Variants in PCDHGA1 observed in about 807,000 individuals in gnomAD.
PCDHGA1 encodes the protein protocadherin gamma-A1.
PCDHGA1 carries 32 observed loss-of-function variants against 58.0 expected under a neutral mutation model. That is an observed-to-expected ratio of 0.55 (90% CI 0.42 to 0.74). PCDHGA1 has a LOEUF of 0.74. PCDHGA1 is among the 30% of genes least tolerant of loss of function. PCDHGA1 has a pLI of 0.00. For synonymous variants in PCDHGA1, 498 were observed against 501.1 expected (o/e 0.99, Z 0.08); for missense variants, 1,205 against 1,182.3 (o/e 1.02, Z -0.28).
chr5:141,497,131 A>G (rs1269110126), intron 2 of PCDHGA1, among the ~76,000 whole-genome samples: 3 of 152,122 alleles, frequency 2.0e-5, no homozygotes, highest in Admixed American at 6.6e-5. Flanking sequence ...GGTTGCAGTG[A>G]GCTGAGATCA....
At chr5:141,393,197 T>C (rs1470064881) in intron 1 of PCDHGA1, 1 of 1,613,448 alleles carries the variant, frequency 6.2e-7, no homozygotes, top group South Asian at 1.1e-5. Context: ...ATATTAACGA[T>C]AATAACCCAA....
chr5:141,398,804 C>T, intron 1 of PCDHGA1: 1 of 1,614,012 alleles, frequency 6.2e-7, no homozygotes, highest in Non-Finnish European at 8.5e-7. Context: ...AGCGGCACCA[C>T]TGAGCTCCGG....
At chr5:141,363,723 G>T (rs1763043786) in intron 1 of PCDHGA1, among the ~76,000 whole-genome samples, 1 of 152,212 alleles carries the variant, frequency 6.6e-6, no homozygotes, top group African/African-American at 2.4e-5. Context: ...AAGGTGCATG[G>T]AGAACTGGGT....
At chr5:141,372,067 A>G (rs1209515606) in intron 1 of PCDHGA1, 2 of 1,613,450 alleles carry the variant, frequency 1.2e-6, no homozygotes, top group Admixed American at 1.7e-5. Flanking sequence ...CGCAACGACA[A>G]TGCACCGCTG....
chr5:141,351,705 G>C, intron 1 of PCDHGA1: 1 of 1,613,928 alleles, frequency 6.2e-7, no homozygotes, highest in Non-Finnish European at 8.5e-7. Flanking sequence ...CCCAACGGCA[G>C]AGTCTCCTAC....
At chr5:141,407,767 G>T (rs1458257073) in intron 1 of PCDHGA1, among the ~76,000 whole-genome samples, 1 of 152,140 alleles carries the variant, frequency 6.6e-6, no homozygotes, top group Non-Finnish European at 1.5e-5. Context: ...GTTTGAAATT[G>T]TGCATAATAG....
chr5:141,399,755 G>A (rs1420211451), intron 1 of PCDHGA1: 1 of 1,613,232 alleles, frequency 6.2e-7, no homozygotes, highest in African/African-American at 1.3e-5. Context: ...GCAAACGTGA[G>A]CCTGCGCGTG....
In PCDHGA1 at chr5:141,357,036, C is replaced by A. The variant is rs765676515; in HGVS notation, c.2421+23931C>A. 5.6e-5 allele frequency: 90 copies of A among 1,614,042 alleles called. 2 individuals carry two copies. In the South Asian group the frequency reaches 8.8e-4, roughly 16 times the overall value. ...TGTCCTACAGCCTACTCAAGTCCAG[C>A]GAGCCGGGACTATTTGCAGTGGGGC... On this transcript the variant is annotated intron_variant, in intron 1 of 3. Transcript: ENST00000517417.
At chr5:141,478,563 C>G (rs1484075735) in intron 1 of PCDHGA1, 16 of 1,596,154 alleles carry the variant, frequency 1.0e-5, no homozygotes, top group African/African-American at 1.3e-5. Context: ...TTTAGCAAGT[C>G]ATGCTTGACC....
intron 1 of PCDHGA1, among the ~76,000 whole-genome samples, chr5:141,348,135 T>C (rs1237246748): frequency 6.6e-6 from 1 of 152,224 alleles, no homozygotes; most frequent in South Asian, 2.1e-4. Flanking sequence ...ACTCATGAAA[T>C]CATATGAGAG....
intron 1 of PCDHGA1, chr5:141,345,904 G>C (rs1319901712): frequency 1.9e-6 from 3 of 1,612,396 alleles, no homozygotes; most frequent in African/African-American, 2.7e-5. Flanking sequence ...CTGCACACGG[G>C]CGAGGTGCGC....
At chr5:141,388,674 G>A in intron 1 of PCDHGA1, 2 of 1,613,940 alleles carry the variant, frequency 1.2e-6, no homozygotes, top group Non-Finnish European at 8.5e-7. Context: ...GGTGCTACAG[G>A]TGACTGCCAC....
intron 1 of PCDHGA1, chr5:141,345,920 G>C: frequency 6.2e-7 from 1 of 1,613,376 alleles, no homozygotes; most frequent in Non-Finnish European, 8.5e-7. Context: ...TGCGCACGGC[G>C]CGAGCCCTGC....
rs2099718995 is a variant in PCDHGA1 at position 141,491,523 on chromosome 5, G to A, written c.2422-3284G>A. On this transcript the variant is annotated intron_variant, in intron 1 of 3. Transcript: ENST00000517417. This position sits in a 1 kb window ranked among gnomAD's most constrained non-coding sequence, Gnocchi z 6.9. ...CGGACGGCACGCTCAAGTACATGGAGGTGACGCTGCGGCCCACAGACTCGC... is the reference window on the plus strand; with the variant it reads ...CGGACGGCACGCTCAAGTACATGGAAGTGACGCTGCGGCCCACAGACTCGC... The A allele has an allele frequency of 3.1e-6, 5 of 1,613,954 alleles. No individual in the cohort carries two copies. The highest frequency in any genetic ancestry group is 3.4e-6 in the Non-Finnish European group (4 of 1,180,032).
At chr5:141,354,581 G>C (rs1168490424) in intron 1 of PCDHGA1, among the ~76,000 whole-genome samples, 1 of 152,104 alleles carries the variant, frequency 6.6e-6, no homozygotes, top group Non-Finnish European at 1.5e-5. Context: ...GCATAAATTG[G>C]GACTAAAGCC....
intron 1 of PCDHGA1, chr5:141,422,550 G>A: frequency 6.2e-7 from 1 of 1,613,978 alleles, no homozygotes; most frequent in Non-Finnish European, 8.5e-7. Flanking sequence ...ATGTCTGGCT[G>A]AATGTGGCAG....
At chr5:141,340,073 CT>C (rs1561481294) in intron 1 of PCDHGA1, 1 of 1,614,012 alleles carries the variant, frequency 6.2e-7, no homozygotes, top group Non-Finnish European at 8.5e-7. Flanking sequence ...CATAATTGGG[CT>C]TTTTAATGTA....
At chr5:141,346,221 G>C in intron 1 of PCDHGA1, 1 of 1,614,218 alleles carries the variant, frequency 6.2e-7, no homozygotes, top group East Asian at 2.2e-5. Flanking sequence ...GGCTTCGGGA[G>C]GCGGCTTGGC....
chr5:141,415,210 C>G lies in PCDHGA1; in HGVS notation c.2422-79597C>G, dbSNP rs2095843973. The G allele has an allele frequency of 2.5e-6, 4 of 1,614,068 alleles. No individual in the cohort carries two copies. The highest frequency in any genetic ancestry group is 1.6e-4 in the Middle Eastern group (1 of 6,062). ...CAGCATCCCCCAAGTCCTGGCGGAC[C>G]TCGGCAGCTTCGAGTCTCCAGCTAA... is the stretch of plus-strand genomic sequence containing the variant. On this transcript the variant is annotated intron_variant, in intron 1 of 3. Coordinates refer to ENST00000517417, the MANE Select transcript of PCDHGA1 (RefSeq NM_018912.3).
Sources: gnomAD v4.1 joint callset for allele counts (sites outside exome capture counted in the v4.1 genomes callset) on GRCh38, gnomAD v4.1.1 for gene constraint, Gnocchi (gnomAD v3.1) non-coding constraint, MANE v1.5 for transcripts, NCBI Gene and HGNC (gene_info 2026-07-23, HGNC 2026-07-21) for gene names.